CTU2: variants seen among roughly 807,000 people sequenced by gnomAD.
CTU2 encodes cytosolic thiouridylase subunit 2.
CTU2 carries 80 observed loss-of-function variants against 64.1 expected under a neutral mutation model. The ratio of observed to expected loss-of-function variants is 1.25; its 90% CI spans 1.04 to 1.50. CTU2 has a LOEUF of 1.50. CTU2 is among the 40% of genes most tolerant of loss of function. The pLI is 0.00. For missense variants in CTU2, 1,110 were observed against 690.2 expected, an observed-to-expected ratio of 1.61 and a Z score of -6.81; for synonymous variants, 482 against 285.3, an observed-to-expected ratio of 1.69 and a Z score of -6.95.
intron 2 of CTU2, 66 bp downstream of exon 2, chr16:88,707,276 C>T: frequency 5.8e-6 from 8 of 1,370,468 alleles, no homozygotes; most frequent in African/African-American, 1.4e-5. Context: ...ATAGCCGCAA[C>T]TTGTGATGCT....
intron 5 of CTU2, 68 bp downstream of exon 5, chr16:88,711,763 G>C: frequency 6.9e-7 from 1 of 1,439,998 alleles, no homozygotes; most frequent in Non-Finnish European, 9.6e-7. Flanking sequence ...CCTCCCTCTG[G>C]TGTGGACCCT....
At chr16:88,712,165 C>A in intron 5 of CTU2, 109 bp from the exon 6 acceptor site, 1 of 935,506 alleles carries the variant, frequency 1.1e-6, no homozygotes, top group Non-Finnish European at 1.7e-6. Context: ...CAGGAAGCAC[C>A]GCCCTGCGGA....
intron 2 of CTU2, among the ~76,000 whole-genome samples, chr16:88,707,610 T>C (rs1236069918): frequency 2.0e-5 from 3 of 152,110 alleles, no homozygotes; most frequent in Non-Finnish European, 4.4e-5. Context: ...GTGAGATGCT[T>C]GTTTCATCTG....
rs778852799 is a variant in CTU2 at position 88,713,655 on chromosome 16, G to T, written c.882G>T (p.Ser294=). 1 of 1,612,242 alleles carries T rather than the reference G, an allele frequency of 6.2e-7. No individual in the cohort carries two copies. Among genetic ancestry groups the T allele is most frequent in the Admixed American group, 1.7e-5 (1 of 59,988 alleles). ...GCCCCTGCCTCCCGCAGGGCTTCTC[G>T]GATGAGCGGCACGGGGACGTGGTGG... ...GAFLAWDTGF[S]DERHGDVVVV... is the part of the protein sequence containing the mutation. Residue 294 remains serine (S), a synonymous_variant, in exon 9 of 15, where the codon TCG becomes TCT. Coordinates refer to ENST00000453996, the MANE Select transcript of CTU2 (RefSeq NM_001012759.3).
chr16:88,712,488 G>C lies in CTU2; in HGVS notation c.453+105G>C, dbSNP rs1597429164. Reference sequence around the variant, plus strand: ...CTCCCTCATCCCAGAAGGCGGGGCTGTCGGTGGGGGGTGGGAGGCACCTGC... The same window carrying C: ...CTCCCTCATCCCAGAAGGCGGGGCTCTCGGTGGGGGGTGGGAGGCACCTGC... On this transcript the variant is annotated intron_variant, in intron 6 of 14. Coordinates refer to ENST00000453996, the MANE Select transcript of CTU2 (RefSeq NM_001012759.3). The C allele has an allele frequency of 5.5e-6, 8 of 1,447,768 alleles. No individual in the cohort carries two copies. The East Asian group carries it at 1.9e-4, about 34-fold the overall frequency. 89.7% of individuals were successfully genotyped at this position (1,447,768 alleles called of 1,614,324 possible).
chr16:88,713,898 C>T, intron 9 of CTU2, 120 bp downstream of exon 9: 2 of 1,384,498 alleles, frequency 1.4e-6, no homozygotes, highest in Non-Finnish European at 2.0e-6. Flanking sequence ...TGCTGTGGCC[C>T]CCAGCAGTGC....
At chr16:88,708,174 CGGCAGAATTCACTGAGGAGAGGCTGCT>C (rs1555549895) in intron 2 of CTU2, among the ~76,000 whole-genome samples, 1 of 152,178 alleles carries the variant, frequency 6.6e-6, no homozygotes, top group Non-Finnish European at 1.5e-5. Flanking sequence ...ACCAGGCTGC[CGGCAGAATTCACTGAGGAGAGGCTGCT>C]GTGGCTGTAT....
At chr16:88,707,039 C>T in intron 1 of CTU2, 97 bp from the exon 2 acceptor site, 2 of 1,261,702 alleles carry the variant, frequency 1.6e-6, no homozygotes, top group Non-Finnish European at 2.3e-6. Flanking sequence ...TCTGACCCAA[C>T]TCAGGGTGAG....
In CTU2 at chr16:88,707,131, C is replaced by T; in HGVS notation, c.69-5C>T. 1 of 1,613,664 alleles carries T rather than the reference C, an allele frequency of 6.2e-7. No homozygotes were observed. Among genetic ancestry groups the T allele is most frequent in the Non-Finnish European group, 8.5e-7 (1 of 1,179,760 alleles). On this transcript the variant is annotated splice_polypyrimidine_tract_variant and splice_region_variant and intron_variant, in intron 1 of 14. Coordinates refer to ENST00000453996, the MANE Select transcript of CTU2 (RefSeq NM_001012759.3). ...TCTCTCTTCTCCCCCCTCCCATCTC[C>T]AAAGCCGTGAGCAGAAGTGTGTGAA...
chr16:88,713,537 C>A (rs1349106216), intron 8 of CTU2, 90 bp downstream of exon 8: 3 of 1,432,514 alleles, frequency 2.1e-6, no homozygotes, highest in Admixed American at 5.0e-5. Context: ...GCGTATCAGT[C>A]CTGCGGCCTC....
chr16:88,709,915 C>T (rs377406251), intron 2 of CTU2, 23 bp from the exon 3 acceptor site: 4 of 1,611,488 alleles, frequency 2.5e-6, no homozygotes, highest in Admixed American at 1.7e-5. Flanking sequence ...AGGCGGTTCC[C>T]TCATCTCAGG....
Position 88,707,207 on chromosome 16 carries a change from G to C in CTU2, c.140G>C (p.Cys47Ser), listed in dbSNP as rs1351589637. The part of the protein sequence containing the change: ...VVVIRAGDAF[C>S]RDCFKAFYVH... ...GTGATACGAGCCGGAGATGCCTTCT[G>C]CAGGTGAGGCCTGGAGGTGGCTGAG... is the stretch of plus-strand genomic sequence containing the variant. The change falls in exon 2 of 15, where the codon TGC (cysteine) becomes TCC (serine). Residue 47 changes from cysteine to serine, a missense_variant. Transcript: ENST00000453996. 6.2e-7 allele frequency: 1 copy of C among 1,613,906 alleles called. No individual in the cohort carries two copies. Among genetic ancestry groups the C allele is most frequent in the East Asian group, 2.2e-5 (1 of 44,888 alleles).
chr16:88,710,379 A>G, intron 4 of CTU2, 97 bp downstream of exon 4: 2 of 1,320,440 alleles, frequency 1.5e-6, no homozygotes, highest in Non-Finnish European at 2.2e-6. Context: ...GGTTGGGGCT[A>G]GAGAGCAGTC....
In CTU2 at chr16:88,715,385, A is replaced by AAC; in HGVS notation, c.*135_*136dup. On this transcript the variant is annotated 3_prime_UTR_variant, in exon 15 of 15. Coordinates refer to ENST00000453996, the MANE Select transcript of CTU2 (RefSeq NM_001012759.3). ...TAAAACATTTTTTAATTAAAAAAAA[A>AAC]ACTCTACAGTACACGTGGGGGACGG... The AAC allele has an allele frequency of 9.1e-7, 1 of 1,093,564 alleles. No homozygotes were observed. Among genetic ancestry groups the AAC allele is most frequent in the Non-Finnish European group, 1.3e-6 (1 of 778,702 alleles). 67.7% of individuals were successfully genotyped at this position (1,093,564 alleles called of 1,614,324 possible).
At chr16:88,709,873 C>G in intron 2 of CTU2, 65 bp from the exon 3 acceptor site, 1 of 1,348,696 alleles carries the variant, frequency 7.4e-7, no homozygotes. Flanking sequence ...CACCTGGCAG[C>G]GCCTCAGGAC....
rs865903079 is a variant in CTU2 at position 88,714,241 on chromosome 16, T to C, written c.1097+14T>C. On this transcript the variant is annotated intron_variant, in intron 10 of 14. Transcript: ENST00000453996. ...CACTGTGTACAGGTGTGGGTGTGTG[T>C]GGGTGTGTGCGGGGGGTGCGCGGGT... 3.6e-5 allele frequency: 57 copies of C among 1,602,206 alleles called. No individual in the cohort carries two copies. Among genetic ancestry groups the C allele is most frequent in the African/African-American group, 5.7e-5 (4 of 70,170 alleles).
intron 1 of CTU2, 67 bp from the exon 2 acceptor site, chr16:88,707,067 CCA>C (rs1910917966): frequency 6.6e-7 from 1 of 1,523,524 alleles, no homozygotes; most frequent in Admixed American, 1.7e-5. Flanking sequence ...AGCTGTCTCC[CCA>C]AAGCCCACTA....
At chr16:88,710,353 C>T (rs1911218550) in intron 4 of CTU2, 71 bp downstream of exon 4, 3 of 1,520,950 alleles carry the variant, frequency 2.0e-6, no homozygotes, top group East Asian at 2.3e-5. Context: ...CCTTCTCAGC[C>T]TGCTGAGGGG....
Position 88,707,158 on chromosome 16 carries a change from T to G in CTU2, c.91T>G (p.Cys31Gly). The change falls in exon 2 of 15, where the codon TGC (cysteine) becomes GGC (glycine). Residue 31 changes from cysteine (C) to glycine (G), a missense_variant. Cys to Gly is a radical substitution (Grantham distance 159, BLOSUM62 -3). Coordinates refer to ENST00000453996, the MANE Select transcript of CTU2 (RefSeq NM_001012759.3). ...RPSREQKCVK[C>G]KEAQPVVVIR... ...AAGCCGTGAGCAGAAGTGTGTGAAGTGCAAGGAAGCGCAGCCCGTTGTGGT... is the reference window on the plus strand; with the variant it reads ...AAGCCGTGAGCAGAAGTGTGTGAAGGGCAAGGAAGCGCAGCCCGTTGTGGT... 1 of 1,613,868 alleles carries G rather than the reference T, an allele frequency of 6.2e-7. No homozygotes were observed. Among genetic ancestry groups the G allele is most frequent in the Non-Finnish European group, 8.5e-7 (1 of 1,179,944 alleles).
Sources: allele counts gnomAD v4.1 joint callset (sites outside exome capture counted in the v4.1 genomes callset), GRCh38; gene constraint gnomAD v4.1.1; transcripts MANE v1.5; gene names NCBI Gene and HGNC (gene_info 2026-07-23, HGNC 2026-07-21).